CSMD1: variants seen among roughly 807,000 people sequenced by gnomAD.
The protein encoded by CSMD1 is CUB and sushi domain-containing protein 1.
Under a neutral mutation model 417.5 loss-of-function variants are expected in CSMD1, and 213 were observed. That is an observed-to-expected ratio of 0.51 (90% confidence interval 0.46 to 0.57). The LOEUF (loss-of-function observed/expected upper bound fraction) is 0.57, where lower values mean the gene tolerates loss of function less well. Ranked by LOEUF, CSMD1 falls within the 20% of genes least tolerant of loss-of-function variation. The probability of loss-of-function intolerance (pLI) is 0.00; values close to 1 mark genes in which losing one functional copy is unlikely to be tolerated. For missense variants in CSMD1, 6,923 were observed against 4,529.7 expected, an observed-to-expected ratio of 1.53 and a Z score of -15.17; for synonymous variants, 2,862 against 1,736.8, an observed-to-expected ratio of 1.65 and a Z score of -16.11.
intron 3 of CSMD1, among the ~76,000 whole-genome samples, chr8:4,319,078 G>T (rs929407156): frequency 2.6e-5 from 4 of 152,148 alleles, no homozygotes; most frequent in African/African-American, 9.7e-5. Context: ...TTCATTAGTA[G>T]TCCTCACATA....
At chr8:3,589,621 A>C (rs1273527213) in intron 8 of CSMD1, among the ~76,000 whole-genome samples, 2 of 152,114 alleles carry the variant, frequency 1.3e-5, no homozygotes, top group African/African-American at 4.8e-5. Flanking sequence ...GGCTGGAGGA[A>C]GGAGAGGAAA....
chr8:3,254,386 G>T (rs915114738), intron 26 of CSMD1, among the ~76,000 whole-genome samples: 1 of 152,036 alleles, frequency 6.6e-6, no homozygotes, highest in African/African-American at 2.4e-5. Flanking sequence ...TATATTTGTG[G>T]CATTCTCTGT....
At chr8:3,042,758 T>C (rs1811187777) in intron 50 of CSMD1, among the ~76,000 whole-genome samples, 1 of 152,154 alleles carries the variant, frequency 6.6e-6, no homozygotes. Context: ...AAACAGTGCC[T>C]GGTGCTCATA....
At chr8:4,879,552 G>A (rs559327639) in intron 1 of CSMD1, among the ~76,000 whole-genome samples, 3 of 151,940 alleles carry the variant, frequency 2.0e-5, no homozygotes, top group Non-Finnish European at 4.4e-5. Flanking sequence ...ACAAGAAAAT[G>A]AATACGATTT....
intron 2 of CSMD1, among the ~76,000 whole-genome samples, chr8:4,540,028 G>C (rs116405127): frequency 1.3e-5 from 2 of 152,060 alleles, no homozygotes; most frequent in African/African-American, 4.8e-5. Context: ...CTCCTCACTC[G>C]CCAAGCAGCA....
intron 2 of CSMD1, among the ~76,000 whole-genome samples, chr8:4,453,803 G>A (rs1215602898): frequency 7.3e-6 from 1 of 136,586 alleles, no homozygotes; most frequent in Non-Finnish European, 1.6e-5. Flanking sequence ...ACAAGATTGC[G>A]CAATTCGTTT....
chr8:3,661,898 G>A (rs10481370), intron 7 of CSMD1, among the ~76,000 whole-genome samples: 32,965 of 152,116 alleles, frequency 0.22, 3,841 homozygotes, highest in African/African-American at 0.3. Context: ...ACAGGAAGAT[G>A]GAAGAAGACA....
At chr8:3,608,884 T>G (rs548819403) in intron 8 of CSMD1, among the ~76,000 whole-genome samples, 1 of 152,244 alleles carries the variant, frequency 6.6e-6, no homozygotes, top group East Asian at 1.9e-4. Context: ...AAACCAAGAT[T>G]GTCCTTCTGC....
chr8:3,700,546 G>C (rs1036793587), intron 7 of CSMD1: 6 of 152,354 alleles, frequency 3.9e-5, no homozygotes, highest in Non-Finnish European at 5.9e-5. Flanking sequence ...AGCAGGGTCG[G>C]GGCTGGTTAG....
intron 7 of CSMD1, among the ~76,000 whole-genome samples, chr8:3,649,483 C>T (rs1585017247): frequency 1.3e-5 from 2 of 152,088 alleles, no homozygotes; most frequent in Admixed American, 6.6e-5. Flanking sequence ...GCTGGGGAGG[C>T]CTCAGGAAAT....
intron 1 of CSMD1, among the ~76,000 whole-genome samples, chr8:4,700,397 G>C (rs1040589935): frequency 2.6e-5 from 4 of 151,816 alleles, no homozygotes; most frequent in Non-Finnish European, 5.9e-5. Flanking sequence ...GCTATACTTT[G>C]CTTTTACAAG....
chr8:4,448,195 G>A (rs1251736341), intron 2 of CSMD1, among the ~76,000 whole-genome samples: 2 of 152,108 alleles, frequency 1.3e-5, no homozygotes, highest in African/African-American at 4.8e-5. Context: ...ATTTTTAAAA[G>A]TTTTTTAACA....
intron 2 of CSMD1, among the ~76,000 whole-genome samples, chr8:4,538,183 G>A (rs1054226504): frequency 1.5e-5 from 2 of 129,666 alleles, no homozygotes; most frequent in Non-Finnish European, 3.2e-5. Flanking sequence ...GCAACTGGAG[G>A]TGGCTACATT....
chr8:3,623,768 G>T (rs913252928), intron 7 of CSMD1, among the ~76,000 whole-genome samples: 1 of 152,086 alleles, frequency 6.6e-6, no homozygotes, highest in Non-Finnish European at 1.5e-5. Context: ...CTGAGGTGAG[G>T]AGTTCAAGAC....
intron 1 of CSMD1, among the ~76,000 whole-genome samples, chr8:4,956,153 A>G (rs1173704067): frequency 6.6e-6 from 1 of 151,958 alleles, no homozygotes. Context: ...CAGAGTTATC[A>G]TTTTTCTAGA....
chr8:4,361,588 A>G (rs1369134753), intron 3 of CSMD1, among the ~76,000 whole-genome samples: 5 of 152,184 alleles, frequency 3.3e-5, no homozygotes, highest in African/African-American at 4.8e-5. Context: ...TGTGAAACGC[A>G]GTTGCCCTAT....
At chr8:4,389,629 C>G (rs1032045697) in intron 3 of CSMD1, among the ~76,000 whole-genome samples, 1 of 152,130 alleles carries the variant, frequency 6.6e-6, no homozygotes, top group Non-Finnish European at 1.5e-5. Flanking sequence ...AATCCCTCCA[C>G]AAATCGTAGT....
chr8:4,284,016 T>G (rs958530995), intron 3 of CSMD1, among the ~76,000 whole-genome samples: 6 of 152,148 alleles, frequency 3.9e-5, no homozygotes, highest in African/African-American at 1.4e-4. Context: ...GTGAATCACT[T>G]GAGGTCAGGA....
chr8:3,600,724 G>A (rs1197235659), intron 8 of CSMD1, among the ~76,000 whole-genome samples: 1 of 152,072 alleles, frequency 6.6e-6, no homozygotes, highest in Non-Finnish European at 1.5e-5. Flanking sequence ...AGGGATCCAG[G>A]CACCCACCTC....
Sources: allele counts gnomAD v4.1 joint callset (sites outside exome capture counted in the v4.1 genomes callset), GRCh38; gene constraint gnomAD v4.1.1; transcripts MANE v1.5; gene names NCBI Gene and HGNC (gene_info 2026-07-23, HGNC 2026-07-21).